The following ADGRB3 variants were observed in gnomAD, a reference collection of about 807,000 sequenced individuals.
ADGRB3 encodes the protein adhesion G protein-coupled receptor B3, also known as brain-specific angiogenesis inhibitor 3.
ADGRB3 carries 37 observed loss-of-function variants against 193.4 expected under a neutral mutation model. The observed-to-expected ratio is 0.19, with a 90% CI of 0.15 to 0.25. The LOEUF (loss-of-function observed/expected upper bound fraction) is 0.25, where lower values mean the gene tolerates loss of function less well. ADGRB3 is among the 10% of genes least tolerant of loss of function. The pLI is 1.00. For missense variants in ADGRB3, 1,637 were observed against 1,852.9 expected, an observed-to-expected ratio of 0.88 and a Z score of 2.14; for synonymous variants, 690 against 644.2, an observed-to-expected ratio of 1.07 and a Z score of -1.08.
At chr6:68,871,389 A>C (rs951367290) in intron 3 of ADGRB3, among the ~76,000 whole-genome samples, 4 of 152,192 alleles carry the variant, frequency 2.6e-5, no homozygotes, top group African/African-American at 9.7e-5. Flanking sequence ...AATATTATTT[A>C]ACTTAGGCAA....
At chr6:68,741,065 G>A (rs904301797) in intron 3 of ADGRB3, among the ~76,000 whole-genome samples, 4 of 151,986 alleles carry the variant, frequency 2.6e-5, no homozygotes, top group African/African-American at 9.7e-5. Flanking sequence ...CATGGAAGTT[G>A]GTGAAAAACC....
intron 3 of ADGRB3, among the ~76,000 whole-genome samples, chr6:68,916,211 G>A (rs1273688472): frequency 6.6e-6 from 1 of 151,860 alleles, no homozygotes; most frequent in Non-Finnish European, 1.5e-5. Flanking sequence ...AAGAAAAACA[G>A]GACTACTAAA....
chr6:69,366,471 A>C (rs2127336249), intron 29 of ADGRB3, among the ~76,000 whole-genome samples: 1 of 152,276 alleles, frequency 6.6e-6, no homozygotes, highest in East Asian at 1.9e-4. Context: ...TGACGAAAAT[A>C]ATGAAGTATT....
chr6:68,643,989 A>C (rs1045121067), intron 3 of ADGRB3, among the ~76,000 whole-genome samples: 7 of 151,984 alleles, frequency 4.6e-5, no homozygotes, highest in African/African-American at 1.7e-4. Flanking sequence ...AGTAAAATAA[A>C]AACAATAAAC....
At chr6:68,881,711 A>G (rs1044252190) in intron 3 of ADGRB3, among the ~76,000 whole-genome samples, 1 of 152,172 alleles carries the variant, frequency 6.6e-6, no homozygotes, top group Non-Finnish European at 1.5e-5. Context: ...GGAACACTTT[A>G]GTGTTTTGGA....
chr6:69,060,179 A>T (rs1035328922), intron 15 of ADGRB3, among the ~76,000 whole-genome samples: 4 of 140,126 alleles, frequency 2.9e-5, no homozygotes, highest in African/African-American at 1.1e-4. Context: ...ACATACACAC[A>T]TTTTCTTTCT....
intron 20 of ADGRB3, among the ~76,000 whole-genome samples, chr6:69,255,294 C>A (rs920498930): frequency 6.6e-6 from 1 of 152,258 alleles, no homozygotes; most frequent in Admixed American, 6.5e-5. Flanking sequence ...CTGACTTCTA[C>A]AATGGTTGAA....
chr6:69,062,792 G>A (rs988229064), intron 15 of ADGRB3, 142 bp from the exon 16 acceptor site: 11 of 608,568 alleles, frequency 1.8e-5, no homozygotes, highest in Non-Finnish European at 2.5e-5. Flanking sequence ...GCAGTAAAAT[G>A]TGTCTTTCCA....
At chr6:69,077,855 C>G (rs1039918287) in intron 17 of ADGRB3, among the ~76,000 whole-genome samples, 4 of 151,842 alleles carry the variant, frequency 2.6e-5, no homozygotes, top group Admixed American at 2.6e-4. Flanking sequence ...CTTGATGTAT[C>G]CGAAAAGTGA....
intron 3 of ADGRB3, among the ~76,000 whole-genome samples, chr6:68,800,962 A>G (rs1767299351): frequency 6.6e-6 from 1 of 152,160 alleles, no homozygotes; most frequent in Non-Finnish European, 1.5e-5. Flanking sequence ...CTTTGCTTGT[A>G]CCTTATAAAC....
intron 3 of ADGRB3, among the ~76,000 whole-genome samples, chr6:68,794,968 A>G (rs1249165572): frequency 6.6e-6 from 1 of 152,114 alleles, no homozygotes; most frequent in South Asian, 2.1e-4. Context: ...GAAGTTCTAT[A>G]TAAATTTTTA....
intron 3 of ADGRB3, among the ~76,000 whole-genome samples, chr6:68,920,630 A>G (rs2150242037): frequency 6.6e-6 from 1 of 152,168 alleles, no homozygotes; most frequent in Admixed American, 6.5e-5. Context: ...AAGTATCTTC[A>G]AAGTTTAATG....
chr6:69,198,433 A>T (rs927324418), intron 17 of ADGRB3, among the ~76,000 whole-genome samples: 1 of 152,214 alleles, frequency 6.6e-6, no homozygotes, highest in Non-Finnish European at 1.5e-5. Context: ...GTCTGAAGAA[A>T]AAGTAGGGTG....
chr6:69,094,659 A>G (rs779281799), intron 17 of ADGRB3, among the ~76,000 whole-genome samples: 14 of 152,214 alleles, frequency 9.2e-5, no homozygotes, highest in Non-Finnish European at 1.9e-4. Flanking sequence ...CTCATAGAGC[A>G]TTCAAATCTT....
At chr6:69,224,123 G>T (rs1765957580) in intron 17 of ADGRB3, among the ~76,000 whole-genome samples, 1 of 151,676 alleles carries the variant, frequency 6.6e-6, no homozygotes, top group East Asian at 1.9e-4. Context: ...TATATTTCAT[G>T]TTTTTTCATG....
chr6:69,378,631 A>C (rs1332696618), intron 30 of ADGRB3, among the ~76,000 whole-genome samples: 2 of 152,058 alleles, frequency 1.3e-5, no homozygotes, highest in Middle Eastern at 3.2e-3. Flanking sequence ...TTACCCTGCA[A>C]CGTAAGTCTG....
rs1766230628 is a variant in ADGRB3 at position 69,235,037 on chromosome 6, G to A, written c.2613G>A (p.Met871Ile). ...TTGTTTTGTTTAATTCACAGATCATGGAATCCTCTGGCACACCTTCAGTTA... is the reference window on the plus strand; with the variant it reads ...TTGTTTTGTTTAATTCACAGATCATAGAATCCTCTGGCACACCTTCAGTTA... ...ILAQQPREII[M>I]ESSGTPSVTL... The change falls in exon 19 of 32, where the codon ATG becomes ATA. Residue 871 changes from methionine to isoleucine, a missense_variant. This residue lies in a region of ADGRB3 where 641 missense variants were observed against 673.9 expected (regional missense o/e 0.95). Transcript: ENST00000370598. 2 of 1,607,416 alleles carry A rather than the reference G, an allele frequency of 1.2e-6. No individual in the cohort carries two copies.
In ADGRB3 at chr6:69,361,085, A is replaced by G; in HGVS notation, c.3812A>G (p.Lys1271Arg). 5 of 1,612,866 alleles carry G rather than the reference A, an allele frequency of 3.1e-6. No individual in the cohort carries two copies. Among genetic ancestry groups the G allele is most frequent in the Non-Finnish European group, 4.2e-6 (5 of 1,179,238 alleles). The stretch of plus-strand genomic sequence containing the variant: ...AATGAGCTTAGCAATCCATGTTTGA[A>G]AAAAGAAAATAGTGAATTGCGGAGA... ...SMNELSNPCL[K>R]KENSELRRTV... is the part of the protein sequence containing the mutation. The change falls in exon 29 of 32, where the codon AAA (lysine) becomes AGA (arginine). Residue 1271 changes from lysine (K) to arginine (R), a missense_variant. By Grantham distance (26) the Lys-to-Arg change is conservative. Coordinates refer to ENST00000370598, the MANE Select transcript of ADGRB3 (RefSeq NM_001704.3).
intron 3 of ADGRB3, among the ~76,000 whole-genome samples, chr6:68,853,693 A>T (rs1458805230): frequency 1.3e-5 from 2 of 152,254 alleles, no homozygotes; most frequent in African/African-American, 4.8e-5. Context: ...CTATCTGTTT[A>T]AAATGTCTTT....
Sources: allele counts gnomAD v4.1 joint callset (sites outside exome capture counted in the v4.1 genomes callset), GRCh38; gene constraint gnomAD v4.1.1; regional missense constraint gnomAD v4.1.1; transcripts MANE v1.5; gene names NCBI Gene and HGNC (gene_info 2026-07-23, HGNC 2026-07-21).